The following GUCA1C variants were observed in gnomAD, a reference collection of about 807,000 sequenced individuals.
GUCA1C encodes guanylate cyclase activator 1C, also known as guanylyl cyclase-activating protein 3.
GUCA1C carries 15 observed loss-of-function variants against 16.2 expected under a neutral mutation model. The observed-to-expected ratio is 0.93, with a 90% CI of 0.62 to 1.43. The LOEUF is 1.43. GUCA1C is among the 40% of genes most tolerant of loss of function. The probability of loss-of-function intolerance (pLI) is 0.00; values close to 1 mark genes in which losing one functional copy is unlikely to be tolerated. For synonymous variants in GUCA1C, 78 were observed against 85.4 expected (o/e 0.91, Z 0.48); for missense variants, 275 against 244.8 (o/e 1.12, Z -0.82).
Position 108,953,687 on chromosome 3 carries a change from A to G in GUCA1C, c.76T>C (p.Phe26Leu). Residue 26 changes from phenylalanine (F) to leucine (L), a missense_variant, in exon 1 of 4, where the codon TTT becomes CTT. Physicochemically the swap from Phe to Leu is conservative, Grantham distance 22. Coordinates refer to ENST00000261047, the MANE Select transcript of GUCA1C (RefSeq NM_005459.4). ...AGGCCGGATGGATATTCCATCATAA[A>G]TGTTCTGTACCACACATGGGTCTCT... ...TQETHVWYRT[F>L]MMEYPSGLQT... 1 of 1,613,120 alleles carries G rather than the reference A, an allele frequency of 6.2e-7. No homozygotes were observed. Among genetic ancestry groups the G allele is most frequent in the Non-Finnish European group, 8.5e-7 (1 of 1,179,098 alleles).
At chr3:108,932,043 G>T (rs1946672281) in intron 1 of GUCA1C, among the ~76,000 whole-genome samples, 1 of 151,154 alleles carries the variant, frequency 6.6e-6, no homozygotes. Flanking sequence ...GTAGAGACGG[G>T]GTTTCACCGT....
chr3:108,912,542 T>A (rs1246602229), intron 3 of GUCA1C, among the ~76,000 whole-genome samples: 1 of 151,994 alleles, frequency 6.6e-6, no homozygotes, highest in Non-Finnish European at 1.5e-5. Context: ...TATGTCCTCA[T>A]GATTAAAAAA....
chr3:108,910,545 G>C (rs566944906), intron 3 of GUCA1C, among the ~76,000 whole-genome samples: 5 of 152,076 alleles, frequency 3.3e-5, no homozygotes, highest in Admixed American at 3.3e-4. Context: ...ATGCCTGTGA[G>C]AGATGATAGA....
intron 1 of GUCA1C, among the ~76,000 whole-genome samples, chr3:108,934,540 C>G (rs1016960999): frequency 1.3e-5 from 2 of 152,116 alleles, no homozygotes; most frequent in Admixed American, 6.5e-5. Flanking sequence ...GAAAACAAAT[C>G]ATTCTACCAA....
At chr3:108,916,274 C>A in intron 2 of GUCA1C, 60 bp from the exon 3 acceptor site, 2 of 1,534,276 alleles carry the variant, frequency 1.3e-6, no homozygotes, top group South Asian at 1.2e-5. Context: ...CATTTTGCAA[C>A]ATTTCTGCTC....
At chr3:108,931,854 T>C (rs1163892603) in intron 1 of GUCA1C, among the ~76,000 whole-genome samples, 19 of 134,364 alleles carry the variant, frequency 1.4e-4, no homozygotes, top group African/African-American at 4.7e-4. Flanking sequence ...GAACAGTTTT[T>C]TTTCTTCCTT....
chr3:108,953,765 T>G lies in GUCA1C; in HGVS notation c.-3A>C. 6.2e-7 allele frequency: 1 copy of G among 1,606,330 alleles called. No homozygotes were observed. The highest frequency in any genetic ancestry group is 8.5e-7 in the Non-Finnish European group (1 of 1,172,926). ...GCTATAGATTTGCCATTCCCCATCT[T>G]GACTCACAGTCTACAGCTTTTCCTC... On this transcript the variant is annotated 5_prime_UTR_variant, in exon 1 of 4. Transcript: ENST00000261047.
intron 1 of GUCA1C, among the ~76,000 whole-genome samples, chr3:108,924,300 A>G (rs1946599057): frequency 6.6e-6 from 1 of 152,094 alleles, no homozygotes; most frequent in Admixed American, 6.5e-5. Flanking sequence ...TACTTTTATT[A>G]CCTTAAGGTA....
intron 3 of GUCA1C, among the ~76,000 whole-genome samples, chr3:108,909,069 G>A (rs907495440): frequency 9.2e-5 from 14 of 152,184 alleles, no homozygotes; most frequent in African/African-American, 3.1e-4. Flanking sequence ...AGTCAACAGG[G>A]ACTGAAGTCA....
At chr3:108,935,695 C>CA (rs1162430483) in intron 1 of GUCA1C, among the ~76,000 whole-genome samples, 27 of 150,572 alleles carry the variant, frequency 1.8e-4, no homozygotes, top group Middle Eastern at 3.4e-3. Context: ...GACTCCGTCT[C>CA]AAAAAAAACA....
chr3:108,934,917 C>T (rs1946708401), intron 1 of GUCA1C, among the ~76,000 whole-genome samples: 1 of 150,732 alleles, frequency 6.6e-6, no homozygotes, highest in Admixed American at 6.6e-5. Context: ...GGGTTCACGC[C>T]ATTCTCCTGC....
chr3:108,932,145 C>T (rs1002302966), intron 1 of GUCA1C, among the ~76,000 whole-genome samples: 15 of 151,676 alleles, frequency 9.9e-5, no homozygotes, highest in African/African-American at 2.9e-4. Context: ...CCACCGCACC[C>T]GGCCGGGAAC....
At chr3:108,914,264 C>T (rs572563403) in intron 3 of GUCA1C, among the ~76,000 whole-genome samples, 41 of 152,236 alleles carry the variant, frequency 2.7e-4, no homozygotes, top group African/African-American at 9.9e-4. Context: ...TCTGAATTCA[C>T]GTCTCTTTTA....
At chr3:108,953,419 A>AGCC (rs1293043329) in intron 1 of GUCA1C, 140 bp downstream of exon 1, 8 of 623,052 alleles carry the variant, frequency 1.3e-5, no homozygotes, top group Non-Finnish European at 2.0e-5. Context: ...CTTACCTACA[A>AGCC]GCTGTGAGTT....
chr3:108,926,695 T>C (rs990119974), intron 1 of GUCA1C, among the ~76,000 whole-genome samples: 20 of 152,066 alleles, frequency 1.3e-4, no homozygotes, highest in African/African-American at 4.8e-4. Flanking sequence ...TTAGCTAGGA[T>C]GGTCTCGATC....
chr3:108,950,468 C>A (rs1946886186), intron 1 of GUCA1C, among the ~76,000 whole-genome samples: 1 of 152,166 alleles, frequency 6.6e-6, no homozygotes, highest in Non-Finnish European at 1.5e-5. Context: ...GAGGAACCTG[C>A]ATACTGTTTT....
chr3:108,953,890 C>A, upstream of GUCA1C: 1 of 639,418 alleles, frequency 1.6e-6, no homozygotes, highest in South Asian at 1.9e-5. Context: ...AAACCTCTTA[C>A]AGCAACAAGC....
At chr3:108,918,175 C>T (rs1431032839) in intron 2 of GUCA1C, among the ~76,000 whole-genome samples, 1 of 152,306 alleles carries the variant, frequency 6.6e-6, no homozygotes, top group East Asian at 1.9e-4. Flanking sequence ...CAATAGATGG[C>T]AACAGCCCTA....
chr3:108,955,025 C>T (rs1230015010), upstream of GUCA1C, among the ~76,000 whole-genome samples: 1 of 152,168 alleles, frequency 6.6e-6, no homozygotes, highest in Non-Finnish European at 1.5e-5. Context: ...AGTCACCACA[C>T]CTGGCCTACA....
Sources: allele counts gnomAD v4.1 joint callset (sites outside exome capture counted in the v4.1 genomes callset), GRCh38; gene constraint gnomAD v4.1.1; transcripts MANE v1.5; gene names NCBI Gene and HGNC (gene_info 2026-07-23, HGNC 2026-07-21).